The following PARD3B variants were observed in gnomAD, a reference collection of about 807,000 sequenced individuals.
PARD3B encodes partitioning defective 3 homolog B.
In PARD3B, 103 loss-of-function variants were observed where a neutral mutation model predicts 130.2. The ratio of observed to expected loss-of-function variants is 0.79; its 90% CI spans 0.67 to 0.93. The LOEUF (loss-of-function observed/expected upper bound fraction) is 0.93, where lower values mean the gene tolerates loss of function less well. Ranked by LOEUF, PARD3B falls within the 40% of genes least tolerant of loss-of-function variation. The pLI is 0.00. For synonymous variants in PARD3B, 583 were observed against 553.2 expected (o/e 1.05, Z -0.76); for missense variants, 1,609 against 1,499.2 (o/e 1.07, Z -1.21).
At chr2:204,814,788 A>G (rs535354747) in intron 2 of PARD3B, among the ~76,000 whole-genome samples, 1 of 151,978 alleles carries the variant, frequency 6.6e-6, no homozygotes, top group Non-Finnish European at 1.5e-5. Flanking sequence ...GAGCAGGATG[A>G]ATATTGGAGA....
chr2:204,867,936 G>C (rs921260104), intron 2 of PARD3B, among the ~76,000 whole-genome samples: 2 of 152,184 alleles, frequency 1.3e-5, no homozygotes, highest in Non-Finnish European at 2.9e-5. Context: ...AAAAGTATGG[G>C]AGAGGAAGCA....
At chr2:205,070,479 A>G (rs532072959) in intron 4 of PARD3B, among the ~76,000 whole-genome samples, 3 of 152,230 alleles carry the variant, frequency 2.0e-5, no homozygotes, top group East Asian at 1.9e-4. Context: ...GTCATTTTGC[A>G]TGAATTTAAT....
chr2:204,860,152 TA>T (rs1411678581), intron 2 of PARD3B, among the ~76,000 whole-genome samples: 1 of 152,142 alleles, frequency 6.6e-6, no homozygotes, highest in East Asian at 1.9e-4. Context: ...ATCGCAGCTA[TA>T]AAAATGTGTT....
At chr2:204,638,065 A>G (rs1486156040) in intron 1 of PARD3B, among the ~76,000 whole-genome samples, 1 of 152,190 alleles carries the variant, frequency 6.6e-6, no homozygotes, top group East Asian at 1.9e-4. Context: ...ACCTGTGACT[A>G]GGTTTTAAAA....
intron 22 of PARD3B, among the ~76,000 whole-genome samples, chr2:205,560,967 A>C (rs2053111443): frequency 6.6e-6 from 1 of 152,172 alleles, no homozygotes; most frequent in South Asian, 2.1e-4. Context: ...CTTCCACTTT[A>C]ATGTTTCAGT....
chr2:205,423,507 A>G (rs1443632099), intron 19 of PARD3B, among the ~76,000 whole-genome samples: 1 of 152,242 alleles, frequency 6.6e-6, no homozygotes, highest in African/African-American at 2.4e-5. Flanking sequence ...TTCTTGGCAT[A>G]TGCCTGGACA....
At chr2:204,585,571 T>C (rs919891482) in intron 1 of PARD3B, among the ~76,000 whole-genome samples, 18 of 151,590 alleles carry the variant, frequency 1.2e-4, no homozygotes, top group African/African-American at 3.9e-4. Flanking sequence ...CCCAAACTCC[T>C]GGCCTCAAGT....
At chr2:204,880,657 C>CAAAAAA (rs746023895) in intron 2 of PARD3B, among the ~76,000 whole-genome samples, 20 of 55,412 alleles carry the variant, frequency 3.6e-4, no homozygotes, top group Non-Finnish European at 4.4e-4. Context: ...GACTCCATCT[C>CAAAAAA]AAAAAAAAAA....
Position 204,591,613 on chromosome 2 carries a change from A to C in PARD3B, c.120+45494A>C, listed in dbSNP as rs571591916. Among the ~76,000 whole-genome samples, 6 of 152,326 alleles carry C rather than the reference A, an allele frequency of 3.9e-5. No individual in the cohort carries two copies. In the South Asian group the frequency reaches 1.2e-3, roughly 32 times the overall value. On this transcript the variant is annotated intron_variant, in intron 1 of 22. Coordinates refer to ENST00000406610, the MANE Select transcript of PARD3B (RefSeq NM_001302769.2). ...ACAATAGCTGCCAATTCAATGGTAT[A>C]GTAGAAGAATGTCCTTTGGGGCCAG... is the stretch of plus-strand genomic sequence containing the variant.
At chr2:204,958,625 G>A (rs1690476808) in intron 2 of PARD3B, among the ~76,000 whole-genome samples, 1 of 152,172 alleles carries the variant, frequency 6.6e-6, no homozygotes, top group South Asian at 2.1e-4. Context: ...GTGGGACTCA[G>A]TCTGGAAGCC....
rs1243008363 is a variant in PARD3B, at chr2:204,566,364, G to GT, written c.120+20253dup. Among the ~76,000 whole-genome samples the GT allele has an allele frequency of 5.9e-5, 9 of 152,154 alleles. No homozygotes were observed. In the South Asian group the frequency reaches 1.2e-3, roughly 21 times the overall value. On this transcript the variant is annotated intron_variant, in intron 1 of 22. Coordinates refer to ENST00000406610, the MANE Select transcript of PARD3B (RefSeq NM_001302769.2). ...TGTCATTAGGAAATGGCACTGCCAT[G>GT]TTTTTTTTAAACTAACTTATCCAGC...
chr2:205,356,719 C>T (rs1224187818), intron 18 of PARD3B, among the ~76,000 whole-genome samples: 7 of 151,858 alleles, frequency 4.6e-5, no homozygotes, highest in South Asian at 2.1e-4. Flanking sequence ...GGTGAAACCC[C>T]GTCTCTACTA....
intron 2 of PARD3B, among the ~76,000 whole-genome samples, chr2:204,842,786 C>T (rs540949066): frequency 3.9e-5 from 6 of 152,074 alleles, no homozygotes; most frequent in Non-Finnish European, 8.8e-5. Flanking sequence ...AGCAGGCCTG[C>T]GCTGTGGGCT....
chr2:204,676,120 G>A (rs1018123912), intron 1 of PARD3B, among the ~76,000 whole-genome samples: 2 of 150,980 alleles, frequency 1.3e-5, no homozygotes, highest in African/African-American at 4.9e-5. Context: ...TTTTTTTTGG[G>A]GCGGGGGGTG....
At position 205,125,875 on chromosome 2, in the gene PARD3B, AC is replaced by A; in HGVS notation, c.1434+142del. The A allele has an allele frequency of 1.6e-6, 2 of 1,220,226 alleles. No homozygotes were observed. The highest frequency in any genetic ancestry group is 2.3e-6 in the Non-Finnish European group (2 of 877,316). The allele number at this position is 1,220,226 out of a possible 1,614,324, so 75.6% of individuals were successfully genotyped here. A position where few individuals can be genotyped will look rare whatever the true frequency, so the allele number is the denominator to read the frequency against. ...AATTGAATCACACTCAGGGTATTTT[AC>A]CCCATTTGGGGTATCGCATTTTTAA... is the stretch of plus-strand genomic sequence containing the variant. On this transcript the variant is annotated intron_variant, in intron 10 of 22. Coordinates refer to ENST00000406610, the MANE Select transcript of PARD3B (RefSeq NM_001302769.2). This position sits in a 1 kb window ranked among gnomAD's most constrained non-coding sequence, Gnocchi z 4.0.
At chr2:204,812,879 G>A (rs954481192) in intron 2 of PARD3B, among the ~76,000 whole-genome samples, 2 of 152,104 alleles carry the variant, frequency 1.3e-5, no homozygotes, top group African/African-American at 4.8e-5. Flanking sequence ...ACCATCCCGT[G>A]ATGGTCACCT....
At chr2:205,566,544 G>A (rs767277722) in intron 22 of PARD3B, among the ~76,000 whole-genome samples, 40 of 152,180 alleles carry the variant, frequency 2.6e-4, no homozygotes, top group Non-Finnish European at 1.6e-4. Context: ...AAGGCAAAGA[G>A]AGGACTAGGT....
At chr2:205,336,108 C>T (rs901596910) in intron 18 of PARD3B, among the ~76,000 whole-genome samples, 1 of 152,188 alleles carries the variant, frequency 6.6e-6, no homozygotes. Context: ...CGCACCTCGG[C>T]CTCCCAAAGT....
chr2:205,290,989 T>C (rs1559627122), intron 16 of PARD3B, among the ~76,000 whole-genome samples: 1 of 152,170 alleles, frequency 6.6e-6, no homozygotes. Context: ...GAGAAATACA[T>C]TTCTGTTGTT....
Sources: allele counts gnomAD v4.1 joint callset (sites outside exome capture counted in the v4.1 genomes callset), GRCh38; gene constraint gnomAD v4.1.1; non-coding constraint Gnocchi (gnomAD v3.1); transcripts MANE v1.5; gene names NCBI Gene and HGNC (gene_info 2026-07-23, HGNC 2026-07-21).